Variants in DOCK8 observed in about 807,000 individuals in gnomAD.
DOCK8 encodes dedicator of cytokinesis 8.
Under a neutral mutation model 245.6 loss-of-function variants are expected in DOCK8, and 141 were observed. That is an observed-to-expected ratio of 0.57 (90% CI 0.50 to 0.66). DOCK8 has a LOEUF of 0.66. Ranked by LOEUF, DOCK8 falls within the 30% of genes least tolerant of loss-of-function variation. The pLI is 0.00. For missense variants in DOCK8, 2,965 were observed against 2,603.4 expected, an observed-to-expected ratio of 1.14 and a Z score of -3.02; for synonymous variants, 1,168 against 970.2, an observed-to-expected ratio of 1.20 and a Z score of -3.79.
At chr9:305,577 G>A (rs560848076) in intron 5 of DOCK8, among the ~76,000 whole-genome samples, 8 of 152,220 alleles carry the variant, frequency 5.3e-5, no homozygotes, top group African/African-American at 1.7e-4. Flanking sequence ...GAGCCACCAC[G>A]CCTGGCCAGT....
chr9:289,479 A>AGC, intron 3 of DOCK8, 31 bp from the exon 4 acceptor site: 1 of 1,444,204 alleles, frequency 6.9e-7, no homozygotes, highest in Non-Finnish European at 9.5e-7. Context: ...ACCCAGTAAT[A>AGC]ACGTGTTTAT....
chr9:241,983 AC>A lies in DOCK8; in HGVS notation c.53+26955del, dbSNP rs200845519. ...AAAATTAGGTATCAACTGTTTCTCC[AC>A]AAAGAAGAGCAGCTTAAGCCTTCAC... is the stretch of plus-strand genomic sequence containing the variant. On this transcript the variant is annotated intron_variant, in intron 1 of 47. Coordinates refer to ENST00000432829, the MANE Select transcript of DOCK8 (RefSeq NM_203447.4). Among the ~76,000 whole-genome samples, 822 of 152,330 alleles carry A rather than the reference AC, an allele frequency of 5.4e-3. 6 individuals are homozygous for A. The highest frequency in any genetic ancestry group is 0.019 in the African/African-American group (782 of 41,580).
chr9:280,806 T>G (rs2048546652), intron 2 of DOCK8: 1 of 152,214 alleles, frequency 6.6e-6, no homozygotes, highest in East Asian at 1.9e-4. Context: ...GCAGGAGAAC[T>G]CTCTTGTAGC....
chr9:376,074 A>G, intron 18 of DOCK8, 136 bp from the exon 19 acceptor site: 2 of 726,748 alleles, frequency 2.8e-6, no homozygotes, highest in Non-Finnish European at 5.0e-6. Context: ...TGACTCCAAG[A>G]ACAGTTAGAT....
chr9:275,602 T>C lies in DOCK8; in HGVS notation c.156+3873T>C, dbSNP rs1433119994. ...TTATTTATTTAAAATTTTAATGTAT[T>C]TTTTGAGATGGAGTCTCGCTCTGTC... On this transcript the variant is annotated intron_variant, in intron 2 of 47. Coordinates refer to ENST00000432829, the MANE Select transcript of DOCK8 (RefSeq NM_203447.4). Among the ~76,000 whole-genome samples the C allele has an allele frequency of 5.9e-5, 9 of 152,326 alleles. No individual in the cohort carries two copies. The East Asian group carries it at 1.7e-3, about 29-fold the overall frequency.
At chr9:451,588 T>C (rs2057440297) in intron 45 of DOCK8, among the ~76,000 whole-genome samples, 1 of 151,908 alleles carries the variant, frequency 6.6e-6, no homozygotes, top group African/African-American at 2.4e-5. Context: ...ATGCCACTGC[T>C]CTCTAGCCTG....
chr9:463,396 T>G, intron 46 of DOCK8, 121 bp from the exon 47 acceptor site: 1 of 1,195,332 alleles, frequency 8.4e-7, no homozygotes, highest in South Asian at 1.4e-5. Flanking sequence ...GATCCCGATA[T>G]GCCACCCAGT....
At chr9:324,199 T>C (rs1158632669) in intron 7 of DOCK8, among the ~76,000 whole-genome samples, 2 of 152,232 alleles carry the variant, frequency 1.3e-5, no homozygotes, top group African/African-American at 4.8e-5. Flanking sequence ...AATTGCCTCA[T>C]TTCCAAAGGC....
intron 4 of DOCK8, among the ~76,000 whole-genome samples, chr9:303,340 G>C (rs933500756): frequency 3.3e-5 from 5 of 152,206 alleles, no homozygotes; most frequent in African/African-American, 1.2e-4. Context: ...GCACTCGTAT[G>C]TTCCTCACAG....
At chr9:319,098 G>T (rs749686940) in intron 7 of DOCK8, among the ~76,000 whole-genome samples, 3 of 152,126 alleles carry the variant, frequency 2.0e-5, no homozygotes, top group Non-Finnish European at 4.4e-5. Context: ...GGAGTTTGAG[G>T]CCGGCCTGGG....
At chr9:451,752 TG>T (rs1564084771) in intron 45 of DOCK8, among the ~76,000 whole-genome samples, 1 of 151,932 alleles carries the variant, frequency 6.6e-6, no homozygotes, top group Admixed American at 6.6e-5. Flanking sequence ...TATTTTTTTT[TG>T]TTTATTTCAA....
At chr9:409,642 T>G (rs1464623638) in intron 28 of DOCK8, among the ~76,000 whole-genome samples, 1 of 152,160 alleles carries the variant, frequency 6.6e-6, no homozygotes, top group Non-Finnish European at 1.5e-5. Flanking sequence ...GCAGGTTTGT[T>G]ACATATGTAT....
chr9:418,815 A>G (rs1355815710), intron 30 of DOCK8, among the ~76,000 whole-genome samples: 1 of 152,156 alleles, frequency 6.6e-6, no homozygotes, highest in Non-Finnish European at 1.5e-5. Context: ...AGATCAAACC[A>G]AGGCTCTCTG....
intron 5 of DOCK8, among the ~76,000 whole-genome samples, chr9:306,684 C>A (rs192348819): frequency 0.015 from 2,319 of 152,288 alleles, 20 homozygotes; most frequent in Non-Finnish European, 0.023. Flanking sequence ...TTGCTGGGCC[C>A]TGTCTGCTGG....
intron 2 of DOCK8, among the ~76,000 whole-genome samples, chr9:278,742 G>C (rs937678662): frequency 6.6e-6 from 1 of 152,192 alleles, no homozygotes; most frequent in African/African-American, 2.4e-5. Flanking sequence ...AATAAGTGAC[G>C]TGCTCCAGAA....
intron 46 of DOCK8, among the ~76,000 whole-genome samples, chr9:457,950 A>G (rs1435511412): frequency 6.6e-6 from 1 of 152,216 alleles, no homozygotes; most frequent in East Asian, 1.9e-4. Context: ...TAGCTTGTTT[A>G]AGGTTGCAAA....
intron 1 of DOCK8, among the ~76,000 whole-genome samples, chr9:261,814 G>A (rs527957877): frequency 1.3e-5 from 2 of 152,160 alleles, no homozygotes; most frequent in East Asian, 3.9e-4. Flanking sequence ...TGTCTTCCTG[G>A]TGGATTGCCC....
upstream of DOCK8, among the ~76,000 whole-genome samples, chr9:212,490 C>T (rs2046635951): frequency 6.6e-6 from 1 of 152,178 alleles, no homozygotes; most frequent in African/African-American, 2.4e-5. Flanking sequence ...ACGAAAGAGG[C>T]AGTGAGAATA....
At chr9:327,538 C>G (rs1288886125) in intron 8 of DOCK8, among the ~76,000 whole-genome samples, 1 of 152,188 alleles carries the variant, frequency 6.6e-6, no homozygotes, top group Non-Finnish European at 1.5e-5. Context: ...GCTGGAACCA[C>G]AGGCACATGC....
Sources: gnomAD v4.1 joint callset for allele counts (sites outside exome capture counted in the v4.1 genomes callset) on GRCh38, gnomAD v4.1.1 for gene constraint, MANE v1.5 for transcripts, NCBI Gene and HGNC (gene_info 2026-07-23, HGNC 2026-07-21) for gene names.